CSTF2: variants seen among roughly 807,000 people sequenced by gnomAD.
The protein encoded by CSTF2 is cleavage stimulation factor subunit 2.
A neutral mutation model predicts 45.4 loss-of-function variants in CSTF2; 8 were observed. The ratio of observed to expected loss-of-function variants is 0.18; its 90% confidence interval spans 0.10 to 0.32. CSTF2 has a LOEUF of 0.32. Ranked by LOEUF, CSTF2 falls within the 10% of genes least tolerant of loss-of-function variation. The pLI is 1.00. For synonymous variants in CSTF2, 155 were observed against 158.9 expected (o/e 0.98, Z 0.18); for missense variants, 253 against 477.1 (o/e 0.53, Z 4.38).
intron 7 of CSTF2, among the ~76,000 whole-genome samples, chrX:100,827,828 G>T (rs1342939375): frequency 8.9e-6 from 1 of 111,972 alleles, no homozygotes; most frequent in Non-Finnish European, 1.9e-5. Context: ...TATTCTTATT[G>T]AACTCACTAT....
Position 100,830,916 on chromosome X carries a change from G to A in CSTF2, c.890-599G>A, listed in dbSNP as rs1372434521. On this transcript the variant is annotated intron_variant, in intron 8 of 13. Transcript: ENST00000372972. ...CCTTTTGCTTGTGGTGTTCAGGGTG[G>A]GACGTTGAGAGGAAAAGAGCTGCGT... The A allele has an allele frequency of 3.0e-6, 3 of 1,016,927 alleles. No homozygotes were observed. The East Asian group carries it at 1.0e-4, about 34-fold the overall frequency. 83.8% of individuals were successfully genotyped at this position (1,016,927 alleles called of 1,213,427 possible). A position where few individuals can be genotyped will look rare whatever the true frequency, so the allele number is the denominator to read the frequency against.
rs2084928153 is a variant in CSTF2, at chrX:100,823,158, A to G, written c.308-134A>G. The G allele has an allele frequency of 1.3e-5, 9 of 700,774 alleles. No homozygotes were observed. The South Asian group carries it at 2.2e-4, about 17-fold the overall frequency. The allele number at this position is 700,774 out of a possible 1,213,427, so 57.8% of individuals were successfully genotyped here. On this transcript the variant is annotated intron_variant, in intron 3 of 13. Transcript: ENST00000372972. ...CTCCACAGAAACAAGAGGCTTTCAC[A>G]TCATTTATTTCTCAGCTCTGGAGAA...
chrX:100,834,260 G>A (rs1479522498), intron 11 of CSTF2, among the ~76,000 whole-genome samples: 1 of 110,361 alleles, frequency 9.1e-6, no homozygotes, highest in Non-Finnish European at 1.9e-5. Flanking sequence ...CTTTTTTTAT[G>A]TGTCTTCCTC....
chrX:100,828,614 A>G (rs1379860330), intron 8 of CSTF2, among the ~76,000 whole-genome samples: 2 of 112,211 alleles, frequency 1.8e-5, no homozygotes, highest in Non-Finnish European at 3.8e-5. Flanking sequence ...TGTAACGCCT[A>G]CTTAATGAAC....
intron 8 of CSTF2, among the ~76,000 whole-genome samples, chrX:100,829,048 C>T (rs1017129352): frequency 9.8e-5 from 11 of 112,139 alleles, no homozygotes; most frequent in African/African-American, 3.2e-4. Context: ...TCCACACTGC[C>T]TCTGTTAACT....
chrX:100,830,906 G>A (rs1455460351), intron 8 of CSTF2: 6 of 1,052,561 alleles, frequency 5.7e-6, no homozygotes, highest in Non-Finnish European at 7.7e-6. Flanking sequence ...TGCTTGTGGT[G>A]TTCAGGGTGG....
intron 9 of CSTF2, 116 bp from the exon 10 acceptor site, chrX:100,832,618 T>G (rs938781142): frequency 3.5e-6 from 2 of 564,580 alleles, no homozygotes; most frequent in Non-Finnish European, 5.3e-6. Context: ...TGTTATTTTC[T>G]TGTTAGTATT....
intron 2 of CSTF2, among the ~76,000 whole-genome samples, 171 bp downstream of exon 2, chrX:100,821,776 C>T (rs999616487): frequency 1.8e-5 from 2 of 112,097 alleles, no homozygotes; most frequent in African/African-American, 6.5e-5. Flanking sequence ...TTTATTCTTA[C>T]CTAAAATATG....
chrX:100,827,178 G>A (rs1264874666), intron 7 of CSTF2, among the ~76,000 whole-genome samples: 3 of 112,216 alleles, frequency 2.7e-5, no homozygotes, highest in African/African-American at 9.7e-5. Flanking sequence ...AAAAGCTCAT[G>A]AAGAAAACAG....
At chrX:100,830,728 A>G in intron 8 of CSTF2, 2 of 724,854 alleles carry the variant, frequency 2.8e-6, no homozygotes, top group South Asian at 2.4e-5. Context: ...CTCAATCTCC[A>G]TGTGTGTGTG....
At chrX:100,823,572 AT>A in intron 4 of CSTF2, 144 bp downstream of exon 4, 1 of 654,160 alleles carries the variant, frequency 1.5e-6, no homozygotes. Flanking sequence ...TACACAGTAT[AT>A]TTTACATTTT....
chrX:100,827,621 A>AT (rs1323384734), intron 7 of CSTF2, among the ~76,000 whole-genome samples: 1 of 112,038 alleles, frequency 8.9e-6, no homozygotes, highest in Admixed American at 9.4e-5. Flanking sequence ...GGAAGAAGAG[A>AT]TTTTTTGAAG....
chrX:100,839,282 G>C (rs2085027246), intron 13 of CSTF2, among the ~76,000 whole-genome samples: 1 of 106,587 alleles, frequency 9.4e-6, no homozygotes, highest in Non-Finnish European at 1.9e-5. Flanking sequence ...CAGGTAACCT[G>C]CTTCATAAAT....
intron 12 of CSTF2, 71 bp from the exon 13 acceptor site, chrX:100,838,168 T>C (rs2085020378): frequency 1.9e-6 from 2 of 1,030,560 alleles, no homozygotes; most frequent in Admixed American, 6.8e-5. Flanking sequence ...GGTGGTGGGT[T>C]TTTTGTTTTG....
chrX:100,832,627 T>C, intron 9 of CSTF2, 107 bp from the exon 10 acceptor site: 1 of 639,684 alleles, frequency 1.6e-6, no homozygotes, highest in Middle Eastern at 3.6e-4. Context: ...CTTGTTAGTA[T>C]TCATAGACTA....
chrX:100,823,855 G>T (rs1318974426), intron 4 of CSTF2, 31 bp from the exon 5 acceptor site: 1 of 1,202,249 alleles, frequency 8.3e-7, no homozygotes, highest in Non-Finnish European at 1.1e-6. Flanking sequence ...TAAGTCATAA[G>T]TATTAAACCT....
At position 100,826,654 on chromosome X, in the gene CSTF2, C is replaced by T. The variant is rs1157210992; in HGVS notation, c.723C>T (p.Gly241=). 7 of 1,209,664 alleles carry T rather than the reference C, an allele frequency of 5.8e-6. No homozygotes were observed. Among genetic ancestry groups the T allele is most frequent in the East Asian group, 3.0e-5 (1 of 33,836 alleles). The change falls in exon 7 of 14, where the codon GGC becomes GGT. Residue 241 remains glycine, a synonymous_variant. Coordinates refer to ENST00000372972, the MANE Select transcript of CSTF2 (RefSeq NM_001325.3). Reference sequence around the variant, plus strand: ...GTCAGGGTGGAATGCATGTCAATGGCGCACCTCCTCTGATGCAAGCTTCTA... The same window carrying T: ...GTCAGGGTGGAATGCATGTCAATGGTGCACCTCCTCTGATGCAAGCTTCTA... The part of the protein sequence containing the change: ...AQSLGGMHVN[G]APPLMQASMQ...
intron 11 of CSTF2, among the ~76,000 whole-genome samples, chrX:100,835,497 T>G (rs974700383): frequency 9.1e-6 from 1 of 109,827 alleles, no homozygotes; most frequent in African/African-American, 3.3e-5. Flanking sequence ...TCATGTTACT[T>G]TCTGGAAAAC....
intron 10 of CSTF2, 130 bp downstream of exon 10, chrX:100,833,039 G>A (rs2084985226): frequency 1.0e-6 from 1 of 970,848 alleles, no homozygotes; most frequent in African/African-American, 2.0e-5. Flanking sequence ...GAGAAACTGG[G>A]GAGGAGACAA....
Sources: gnomAD v4.1 joint callset for allele counts (sites outside exome capture counted in the v4.1 genomes callset) on GRCh38, gnomAD v4.1.1 for gene constraint, MANE v1.5 for transcripts, NCBI Gene and HGNC (gene_info 2026-07-23, HGNC 2026-07-21) for gene names.